FBXL17: variants seen among roughly 807,000 people sequenced by gnomAD.
FBXL17 encodes the protein F-box and leucine rich repeat protein 17.
In FBXL17, 22 loss-of-function variants were observed where a neutral mutation model predicts 66.2. The ratio of observed to expected loss-of-function variants is 0.33; its 90% CI spans 0.24 to 0.47. FBXL17 has a LOEUF of 0.47. Among genes scored for constraint, FBXL17 ranks in the 20% least tolerant of loss-of-function variants. The pLI is 1.00. For missense variants in FBXL17, 878 were observed against 948.2 expected (o/e 0.93, Z 0.97); for synonymous variants, 474 against 400.5 (o/e 1.18, Z -2.19).
At chr5:108,315,506 A>G (rs1218175829) in intron 4 of FBXL17, among the ~76,000 whole-genome samples, 1 of 151,434 alleles carries the variant, frequency 6.6e-6, no homozygotes, top group African/African-American at 2.4e-5. Flanking sequence ...ATTAAAAATT[A>G]CCCCAAGCTT....
At chr5:108,180,658 G>A (rs1752965226) in intron 6 of FBXL17, among the ~76,000 whole-genome samples, 1 of 152,122 alleles carries the variant, frequency 6.6e-6, no homozygotes. Context: ...TTTAGAGTGT[G>A]CACTGATGCA....
intron 7 of FBXL17, among the ~76,000 whole-genome samples, chr5:107,953,732 T>C (rs1240907018): frequency 6.6e-6 from 1 of 152,222 alleles, no homozygotes; most frequent in African/African-American, 2.4e-5. Flanking sequence ...AAGATCATCT[T>C]TGACTCCTTC....
intron 7 of FBXL17, among the ~76,000 whole-genome samples, chr5:107,959,121 G>T (rs1751790048): frequency 6.6e-6 from 1 of 152,002 alleles, no homozygotes; most frequent in Admixed American, 6.6e-5. Context: ...ATGAGTGCTT[G>T]GGCCATGGAA....
At chr5:107,879,882 T>G in intron 8 of FBXL17, 13 of 985,466 alleles carry the variant, frequency 1.3e-5, no homozygotes, top group Non-Finnish European at 1.6e-5. Flanking sequence ...CCAGCAGCAC[T>G]GGATACAGAC....
chr5:108,221,503 A>C (rs1450404166), intron 5 of FBXL17, among the ~76,000 whole-genome samples: 1 of 152,152 alleles, frequency 6.6e-6, no homozygotes, highest in Admixed American at 6.6e-5. Context: ...AAGGTACAGA[A>C]ATTTTATGCT....
intron 5 of FBXL17, among the ~76,000 whole-genome samples, chr5:108,206,456 T>C (rs1421230736): frequency 2.0e-5 from 3 of 152,124 alleles, no homozygotes; most frequent in Admixed American, 6.6e-5. Flanking sequence ...ATATGCACCA[T>C]GAAATATTTA....
At chr5:107,904,765 C>G (rs925368185) in intron 7 of FBXL17, among the ~76,000 whole-genome samples, 8 of 151,974 alleles carry the variant, frequency 5.3e-5, no homozygotes, top group African/African-American at 1.7e-4. Flanking sequence ...GCTAAAGGAC[C>G]AAATGTGTAA....
At chr5:108,353,778 T>C (rs1747791488) in intron 3 of FBXL17, among the ~76,000 whole-genome samples, 1 of 152,132 alleles carries the variant, frequency 6.6e-6, no homozygotes, top group Non-Finnish European at 1.5e-5. Context: ...AAAGAAGCAC[T>C]GGTAAAGGTA....
chr5:108,012,885 C>T (rs545464069), intron 7 of FBXL17, among the ~76,000 whole-genome samples: 26 of 152,080 alleles, frequency 1.7e-4, no homozygotes, highest in Middle Eastern at 3.4e-3. Flanking sequence ...CGTGGTGGCA[C>T]ATGCCTGTAA....
At position 108,183,034 on chromosome 5, in the gene FBXL17, ATTT is replaced by A. The variant is rs34101023; in HGVS notation, c.1745+3080_1745+3082del. Among the ~76,000 whole-genome samples, 1,765 of 91,602 alleles carry A rather than the reference ATTT, an allele frequency of 0.019. 79 individuals are homozygous for A. The East Asian group carries it at 0.26, about 14-fold the overall frequency. The allele number at this position is 91,602 out of a possible 152,430, so 60.1% of individuals were successfully genotyped here. A position where few individuals can be genotyped will look rare whatever the true frequency, so the allele number is the denominator to read the frequency against. Reference sequence around the variant, plus strand: ...CACCTTATTGCAGAAACAGTTTTCTATTTTTTTTTTTTTTTTTTTTTTTGAGAC... The same window carrying A: ...CACCTTATTGCAGAAACAGTTTTCTATTTTTTTTTTTTTTTTTTTTGAGAC... On this transcript the variant is annotated intron_variant, in intron 6 of 8. Transcript: ENST00000542267.
intron 6 of FBXL17, among the ~76,000 whole-genome samples, chr5:108,074,688 A>T (rs1748476996): frequency 1.3e-5 from 2 of 152,208 alleles, no homozygotes; most frequent in African/African-American, 2.4e-5. Flanking sequence ...GTCTAAAGTC[A>T]TGGACAGATT....
At chr5:108,367,772 G>A in intron 2 of FBXL17, 59 bp downstream of exon 2, 4 of 1,400,384 alleles carry the variant, frequency 2.9e-6, no homozygotes, top group South Asian at 1.4e-5. Flanking sequence ...TTTCTGAAGA[G>A]GAATAAAGAT....
intron 6 of FBXL17, among the ~76,000 whole-genome samples, chr5:108,103,471 C>T (rs1298059134): frequency 2.0e-5 from 3 of 152,122 alleles, no homozygotes; most frequent in Non-Finnish European, 2.9e-5. Flanking sequence ...TGGATCCTAT[C>T]GCTGCTATCG....
intron 5 of FBXL17, among the ~76,000 whole-genome samples, chr5:108,197,474 C>T (rs896749522): frequency 2.0e-5 from 3 of 152,126 alleles, no homozygotes; most frequent in Admixed American, 6.6e-5. Flanking sequence ...ACTCATGGAT[C>T]ACACTTCAAA....
Position 108,121,000 on chromosome 5 carries a change from T to C in FBXL17, c.1745+65117A>G, listed in dbSNP as rs569324627. Among the ~76,000 whole-genome samples the C allele has an allele frequency of 2.0e-5, 3 of 152,338 alleles. No homozygotes were observed. In the South Asian group the frequency reaches 6.2e-4, roughly 32 times the overall value. On this transcript the variant is annotated intron_variant, in intron 6 of 8. Transcript: ENST00000542267. ...GAATTTGAGATTCAGTCCTTCACCG[T>C]TAAATAATTTCTAAGTAAACAGGCT...
chr5:107,941,103 T>C (rs6886766), intron 7 of FBXL17, among the ~76,000 whole-genome samples: 133,465 of 151,516 alleles, frequency 0.88, 59,154 homozygotes, highest in African/African-American at 0.93. Context: ...AACAAAATTA[T>C]GGTTAAATCA....
At chr5:108,298,614 T>TA in intron 4 of FBXL17, 2 of 936,770 alleles carry the variant, frequency 2.1e-6, no homozygotes, top group Non-Finnish European at 2.5e-6. Context: ...ATCTTTTTTT[T>TA]AATAGCAAAG....
chr5:108,030,174 C>A (rs184655163), intron 6 of FBXL17, among the ~76,000 whole-genome samples: 11 of 152,162 alleles, frequency 7.2e-5, no homozygotes, highest in Non-Finnish European at 8.8e-5. Flanking sequence ...AATTTAGCAG[C>A]CTAACCTCTG....
chr5:108,140,955 G>C (rs529212545), intron 6 of FBXL17, among the ~76,000 whole-genome samples: 29 of 151,932 alleles, frequency 1.9e-4, no homozygotes, highest in Non-Finnish European at 1.2e-4. Context: ...CCCTTGGCTG[G>C]AACACCTGAA....
Sources: allele counts gnomAD v4.1 joint callset (sites outside exome capture counted in the v4.1 genomes callset), GRCh38; gene constraint gnomAD v4.1.1; transcripts MANE v1.5; gene names NCBI Gene and HGNC (gene_info 2026-07-23, HGNC 2026-07-21).